Variants in WDPCP observed in about 807,000 individuals in gnomAD.
The protein encoded by WDPCP is WD repeat-containing and planar cell polarity effector protein fritz homolog.
In WDPCP, 71 loss-of-function variants were observed where a neutral mutation model predicts 93.1. The ratio of observed to expected loss-of-function variants is 0.76; its 90% CI spans 0.63 to 0.93. The LOEUF is 0.93. WDPCP is among the 40% of genes least tolerant of loss of function. The probability of loss-of-function intolerance (pLI) is 0.00; values close to 1 mark genes in which losing one functional copy is unlikely to be tolerated. For synonymous variants in WDPCP, 315 were observed against 315.0 expected, an observed-to-expected ratio of 1.00 and a Z score of 0.00; for missense variants, 844 against 887.4, an observed-to-expected ratio of 0.95 and a Z score of 0.62.
intron 15 of WDPCP, among the ~76,000 whole-genome samples, chr2:63,170,387 C>T (rs922359590): frequency 2.6e-5 from 4 of 151,982 alleles, no homozygotes; most frequent in African/African-American, 9.7e-5. Flanking sequence ...ATTCCCCTGC[C>T]TCAGCCTCCC....
chr2:63,679,705 C>T (rs982125228), intron 2 of WDPCP, among the ~76,000 whole-genome samples: 1 of 152,028 alleles, frequency 6.6e-6, no homozygotes, highest in Non-Finnish European at 1.5e-5. Context: ...TCTAGTTAGT[C>T]GGATTCTTGC....
chr2:63,700,353 C>G (rs1669029364), intron 2 of WDPCP, among the ~76,000 whole-genome samples: 1 of 140,286 alleles, frequency 7.1e-6, no homozygotes, highest in African/African-American at 2.7e-5. Context: ...TTAATTAGTA[C>G]AGGCTCCAGG....
intron 12 of WDPCP, among the ~76,000 whole-genome samples, chr2:63,325,771 T>C (rs1049725306): frequency 3.3e-5 from 5 of 152,202 alleles, no homozygotes; most frequent in African/African-American, 9.7e-5. Context: ...AGTTACCCAT[T>C]TGTTGCCCCT....
chr2:63,638,811 G>GAA (rs138586157), intron 3 of WDPCP, among the ~76,000 whole-genome samples: 1 of 149,180 alleles, frequency 6.7e-6, no homozygotes. Context: ...AAAAAAAAAG[G>GAA]AAAAAATCAA....
At position 63,484,928 on chromosome 2, in the gene WDPCP, T is replaced by C. The variant is rs2105907063; in HGVS notation, c.313A>G (p.Lys105Glu). Reference protein sequence around the residue: ...RRPEKLRDSLKELEELMQNSR... With the variant: ...RRPEKLRDSLEELEELMQNSR... The stretch of plus-strand genomic sequence containing the variant: ...TTTTTGAAAGATACCTCCAACTCTT[T>C]GAGCGAGTCTCGGAGTTTTTCTGGG... Residue 105 changes from lysine (K) to glutamate (E), a missense_variant, in exon 5 of 18, where the codon AAA becomes GAA. Physicochemically the swap from Lys to Glu is moderately conservative, Grantham distance 56. Transcript: ENST00000272321. 3 of 1,612,586 alleles carry C rather than the reference T, an allele frequency of 1.9e-6. No individual in the cohort carries two copies. Among genetic ancestry groups the C allele is most frequent in the Non-Finnish European group, 2.5e-6 (3 of 1,179,030 alleles).
At chr2:63,602,912 T>G (rs1284328446) in intron 3 of WDPCP, among the ~76,000 whole-genome samples, 2 of 149,552 alleles carry the variant, frequency 1.3e-5, no homozygotes, top group Non-Finnish European at 3.0e-5. Context: ...ATGTAAGACA[T>G]AATACAGTTT....
intron 2 of WDPCP, among the ~76,000 whole-genome samples, chr2:63,751,246 A>G (rs1669877167): frequency 6.6e-6 from 1 of 152,182 alleles, no homozygotes; most frequent in Non-Finnish European, 1.5e-5. Flanking sequence ...TTAGTATAAA[A>G]TTTTAGTAAT....
chr2:63,480,545 C>A (rs1700208380), intron 6 of WDPCP, among the ~76,000 whole-genome samples: 1 of 152,084 alleles, frequency 6.6e-6, no homozygotes, highest in Admixed American at 6.6e-5. Context: ...GGCACATAGA[C>A]CAATGGAACA....
At chr2:63,458,737 T>G (rs1347618842) in intron 6 of WDPCP, among the ~76,000 whole-genome samples, 1 of 152,124 alleles carries the variant, frequency 6.6e-6, no homozygotes, top group East Asian at 1.9e-4. Context: ...AATCCTAAAA[T>G]TTGTATGGAA....
chr2:63,643,751 C>T (rs987281034), intron 3 of WDPCP: 1 of 527,510 alleles, frequency 1.9e-6, no homozygotes, highest in Non-Finnish European at 3.9e-6. Flanking sequence ...ATCAGACGGA[C>T]ATTCTCTCCA....
At chr2:63,604,883 TC>T (rs1163169280) in intron 3 of WDPCP, 20 of 1,613,492 alleles carry the variant, frequency 1.2e-5, no homozygotes, top group Non-Finnish European at 1.7e-5. Context: ...GTAAGAAAAA[TC>T]TGTGAGCCTT....
chr2:63,749,778 T>C (rs1669852735), intron 2 of WDPCP, among the ~76,000 whole-genome samples: 1 of 152,148 alleles, frequency 6.6e-6, no homozygotes, highest in Admixed American at 6.5e-5. Flanking sequence ...TAAGATTTCT[T>C]GAACACATAA....
chr2:63,825,055 T>C (rs959263593), intron 1 of WDPCP, among the ~76,000 whole-genome samples: 2 of 152,128 alleles, frequency 1.3e-5, no homozygotes, highest in African/African-American at 4.8e-5. Flanking sequence ...CTTAATAAAT[T>C]TGGGCGCGAG....
chr2:63,543,259 G>A (rs537469391), intron 1 of WDPCP, among the ~76,000 whole-genome samples: 16 of 152,070 alleles, frequency 1.1e-4, no homozygotes, highest in Non-Finnish European at 2.1e-4. Flanking sequence ...TAACATATAC[G>A]AATACACATA....
Position 63,586,873 on chromosome 2 carries a change from T to C in WDPCP, c.75+1324A>G, listed in dbSNP as rs2028885. 9.7e-3 allele frequency among the ~76,000 whole-genome samples: 1,470 copies of C among 152,300 alleles called. 28 individuals are homozygous for C. Among genetic ancestry groups the C allele is most frequent in the Admixed American group, 0.039 (593 of 15,302 alleles). ...ATTCACTGTAAATCGAGGACAAAAA[T>C]CATGAGATTGTTTTGTTATACTTTA... On this transcript the variant is annotated intron_variant, in intron 1 of 17. Transcript: ENST00000272321.
intron 15 of WDPCP, 137 bp downstream of exon 15, chr2:63,174,533 T>G (rs1294674518): frequency 1.9e-6 from 2 of 1,075,038 alleles, no homozygotes; most frequent in Non-Finnish European, 2.8e-6. Context: ...ACCAAACTAC[T>G]GCAAAGTCTG....
intron 17 of WDPCP, among the ~76,000 whole-genome samples, chr2:63,148,156 A>C (rs866033756): frequency 4.6e-5 from 7 of 152,098 alleles, no homozygotes; most frequent in Middle Eastern, 3.4e-3. Context: ...CCTGGACTGG[A>C]GATACCAATT....
chr2:63,598,456 AT>A (rs1709358923), intron 3 of WDPCP, among the ~76,000 whole-genome samples: 1 of 152,170 alleles, frequency 6.6e-6, no homozygotes, highest in Admixed American at 6.5e-5. Flanking sequence ...TGAACTATCA[AT>A]TAACTAGAAC....
chr2:63,779,838 T>C (rs2103970233), intron 2 of WDPCP, among the ~76,000 whole-genome samples: 1 of 152,334 alleles, frequency 6.6e-6, no homozygotes, highest in South Asian at 2.1e-4. Context: ...TAATTCACTG[T>C]GTGAGCAAAG....
Sources: gnomAD v4.1 joint callset for allele counts (sites outside exome capture counted in the v4.1 genomes callset) on GRCh38, gnomAD v4.1.1 for gene constraint, MANE v1.5 for transcripts, NCBI Gene and HGNC (gene_info 2026-07-23, HGNC 2026-07-21) for gene names.